DCBLD2: variants seen among roughly 807,000 people sequenced by gnomAD.
DCBLD2 encodes the protein discoidin, CUB and LCCL domain containing 2.
In DCBLD2, 54 loss-of-function variants were observed where a neutral mutation model predicts 86.8. The ratio of observed to expected loss-of-function variants is 0.62; its 90% confidence interval spans 0.50 to 0.78. The LOEUF is 0.78. DCBLD2 is among the 30% of genes least tolerant of loss of function. The probability of loss-of-function intolerance (pLI) is 0.00; values close to 1 mark genes in which losing one functional copy is unlikely to be tolerated. For synonymous variants in DCBLD2, 354 were observed against 341.3 expected, an observed-to-expected ratio of 1.04 and a Z score of -0.41; for missense variants, 908 against 954.2, an observed-to-expected ratio of 0.95 and a Z score of 0.64.
intron 13 of DCBLD2, chr3:98,804,990 C>G (rs911987678): frequency 6.6e-6 from 1 of 152,048 alleles, no homozygotes; most frequent in Non-Finnish European, 1.5e-5. Flanking sequence ...AAATATGGAA[C>G]GCTTCATGAA....
chr3:98,825,366 T>G lies in DCBLD2; in HGVS notation c.572A>C (p.Asp191Ala). 6.5e-7 allele frequency: 1 copy of G among 1,542,434 alleles called. No homozygotes were observed. The highest frequency in any genetic ancestry group is 8.7e-7 in the Non-Finnish European group (1 of 1,149,810). ...TGCAGTGTCCAAACAAGTAATTAGA[T>G]CTAGAAAAACAAAAATAAAAAACTG... ...LASYSVIDKQ[D>A]LITCLDTASN... Residue 191 changes from aspartate (D) to alanine (A), a missense_variant and splice_region_variant, in exon 4 of 16, where the codon GAT becomes GCT. Transcript: ENST00000326840.
chr3:98,829,268 A>T (rs942259979), intron 3 of DCBLD2, among the ~76,000 whole-genome samples: 5 of 152,170 alleles, frequency 3.3e-5, no homozygotes, highest in Admixed American at 2.6e-4. Flanking sequence ...GAGAGTGAAC[A>T]TAGTACCCAA....
intron 3 of DCBLD2, among the ~76,000 whole-genome samples, chr3:98,834,570 G>A: frequency 6.6e-6 from 1 of 151,944 alleles, no homozygotes; most frequent in Non-Finnish European, 1.5e-5. Flanking sequence ...ATCCATGCTT[G>A]GCTTATTTCA....
At chr3:98,815,132 C>T (rs1472747849) in intron 9 of DCBLD2, 1 of 152,052 alleles carries the variant, frequency 6.6e-6, no homozygotes, top group Non-Finnish European at 1.5e-5. Flanking sequence ...GAGAGAGACA[C>T]TTCTAGAATA....
Position 98,871,403 on chromosome 3 carries a change from T to C in DCBLD2, c.433+10137A>G, listed in dbSNP as rs571661932. On this transcript the variant is annotated intron_variant, in intron 2 of 15. Coordinates refer to ENST00000326840, the MANE Select transcript of DCBLD2 (RefSeq NM_080927.4). ...GCTTTCAGTTTTTCCTCATTCAGTA[T>C]GTTGGCTGTGAGTTTGTCATATATG... Among the ~76,000 whole-genome samples the C allele has an allele frequency of 7.9e-5, 12 of 152,294 alleles. 1 individual carries two copies. In the South Asian group the frequency reaches 2.5e-3, roughly 32 times the overall value.
At chr3:98,839,535 A>AC (rs1252206286) in intron 3 of DCBLD2, among the ~76,000 whole-genome samples, 1 of 152,242 alleles carries the variant, frequency 6.6e-6, no homozygotes. Context: ...ATAGAATAAC[A>AC]GTGTCCTTTC....
chr3:98,892,576 C>G (rs1484985970), intron 1 of DCBLD2, among the ~76,000 whole-genome samples: 1 of 152,080 alleles, frequency 6.6e-6, no homozygotes, highest in Non-Finnish European at 1.5e-5. Flanking sequence ...TTGCCAGCAG[C>G]CATGATTCCT....
intron 13 of DCBLD2, among the ~76,000 whole-genome samples, chr3:98,806,830 C>T (rs964501662): frequency 6.6e-6 from 1 of 152,188 alleles, no homozygotes. Flanking sequence ...TCCTGTATCA[C>T]TTCTTCCTTA....
intron 1 of DCBLD2, among the ~76,000 whole-genome samples, chr3:98,886,809 C>CTTTT (rs1553734159): frequency 3.3e-5 from 4 of 121,480 alleles, no homozygotes; most frequent in South Asian, 2.8e-4. Context: ...AACCCCCCCC[C>CTTTT]TTTTTTTTTT....
At chr3:98,816,732 T>C (rs1310910519) in intron 9 of DCBLD2, among the ~76,000 whole-genome samples, 1 of 152,166 alleles carries the variant, frequency 6.6e-6, no homozygotes, top group African/African-American at 2.4e-5. Context: ...AAATATATAA[T>C]CAAAATCAAA....
chr3:98,798,193 C>CG lies in DCBLD2; in HGVS notation c.*1178_*1179insC, dbSNP rs1156504896. The CG allele has an allele frequency of 2.0e-5, 3 of 152,178 alleles. No homozygotes were observed. The highest frequency in any genetic ancestry group is 7.2e-5 in the African/African-American group (3 of 41,446). 9.4% of individuals were successfully genotyped at this position (152,178 alleles called of 1,614,324 possible). On this transcript the variant is annotated 3_prime_UTR_variant, in exon 16 of 16. Coordinates refer to ENST00000326840, the MANE Select transcript of DCBLD2 (RefSeq NM_080927.4). ...ATAGGACTACTCAAACCTCTTACCACACAAAGTGCACGATCACGCAGTCCT... is the reference window on the plus strand; with the variant it reads ...ATAGGACTACTCAAACCTCTTACCACGACAAAGTGCACGATCACGCAGTCCT...
intron 2 of DCBLD2, among the ~76,000 whole-genome samples, chr3:98,865,495 C>T (rs185306515): frequency 2.0e-4 from 31 of 152,048 alleles, no homozygotes; most frequent in Non-Finnish European, 1.8e-4. Flanking sequence ...GGTCAAGGGA[C>T]ACAAAAATTT....
At chr3:98,849,369 C>G in intron 3 of DCBLD2, 92 bp downstream of exon 3, 1 of 1,512,452 alleles carries the variant, frequency 6.6e-7, no homozygotes, top group Non-Finnish European at 9.2e-7. Context: ...TGCTCTATTC[C>G]AATTTCAGAA....
At chr3:98,851,774 C>T (rs1001071819) in intron 2 of DCBLD2, among the ~76,000 whole-genome samples, 2 of 152,194 alleles carry the variant, frequency 1.3e-5, no homozygotes, top group Non-Finnish European at 2.9e-5. Flanking sequence ...AGAAATAACA[C>T]TACACAACTA....
intron 1 of DCBLD2, among the ~76,000 whole-genome samples, chr3:98,885,452 A>G (rs1284376409): frequency 2.0e-5 from 3 of 152,074 alleles, no homozygotes; most frequent in Non-Finnish European, 1.5e-5. Context: ...TACCGTTTAC[A>G]TCGTGACCCT....
intron 13 of DCBLD2, among the ~76,000 whole-genome samples, chr3:98,806,615 G>A (rs1400865300): frequency 6.6e-5 from 10 of 152,158 alleles, no homozygotes; most frequent in Middle Eastern, 3.4e-3. Flanking sequence ...TTCCTAATCT[G>A]TAAGCTTTGG....
intron 1 of DCBLD2, among the ~76,000 whole-genome samples, chr3:98,897,807 T>C (rs1247084999): frequency 1.3e-5 from 2 of 152,250 alleles, no homozygotes; most frequent in East Asian, 1.9e-4. Context: ...TATTTTACCA[T>C]GTTCAAATTA....
intron 2 of DCBLD2, among the ~76,000 whole-genome samples, chr3:98,870,244 G>C (rs1943235093): frequency 6.6e-6 from 1 of 152,034 alleles, no homozygotes; most frequent in African/African-American, 2.4e-5. Context: ...AAGATCAGTT[G>C]GTTGTAGTTA....
intron 2 of DCBLD2, among the ~76,000 whole-genome samples, chr3:98,863,393 C>G (rs1251289950): frequency 6.6e-6 from 1 of 152,146 alleles, no homozygotes; most frequent in African/African-American, 2.4e-5. Flanking sequence ...CAAAAAAAAG[C>G]TGCATTGCCA....
Sources: gnomAD v4.1 joint callset for allele counts (sites outside exome capture counted in the v4.1 genomes callset) on GRCh38, gnomAD v4.1.1 for gene constraint, MANE v1.5 for transcripts, NCBI Gene and HGNC (gene_info 2026-07-23, HGNC 2026-07-21) for gene names.